KIAA0319: variants seen among roughly 807,000 people sequenced by gnomAD.
The protein encoded by KIAA0319 is KIAA0319.
In KIAA0319, 83 loss-of-function variants were observed where a neutral mutation model predicts 108.4. The observed-to-expected ratio is 0.77, with a 90% CI of 0.64 to 0.92. KIAA0319 has a LOEUF of 0.92. Among genes scored for constraint, KIAA0319 ranks in the 40% least tolerant of loss-of-function variants. The pLI, the probability that KIAA0319 is intolerant of heterozygous loss-of-function variation, is 0.00. For missense variants in KIAA0319, 1,195 were observed against 1,322.4 expected (o/e 0.90, Z 1.49); for synonymous variants, 484 against 510.4 (o/e 0.95, Z 0.70).
chr6:24,623,434 G>T (rs1316998395), intron 1 of KIAA0319, among the ~76,000 whole-genome samples: 6 of 152,040 alleles, frequency 3.9e-5, no homozygotes, highest in Non-Finnish European at 8.8e-5. Flanking sequence ...AATTAAAAGG[G>T]CCTACATAGT....
intron 1 of KIAA0319, among the ~76,000 whole-genome samples, chr6:24,622,884 C>A (rs1057284311): frequency 6.6e-6 from 1 of 151,924 alleles, no homozygotes; most frequent in Admixed American, 6.6e-5. Context: ...ACTAAAAATA[C>A]AAAAATTAGT....
chr6:24,580,663 T>A (rs118168507), intron 7 of KIAA0319, among the ~76,000 whole-genome samples: 1 of 152,158 alleles, frequency 6.6e-6, no homozygotes, highest in East Asian at 1.9e-4. Flanking sequence ...ATGGTGTAAA[T>A]GTCAGATAGA....
At position 24,596,507 on chromosome 6, in the gene KIAA0319, T is replaced by C; in HGVS notation, c.167A>G (p.Asp56Gly). 1 of 1,614,110 alleles carries C rather than the reference T, an allele frequency of 6.2e-7. No homozygotes were observed. The highest frequency in any genetic ancestry group is 8.5e-7 in the Non-Finnish European group (1 of 1,180,018). Residue 56 changes from aspartate (D) to glycine (G), a missense_variant, in exon 3 of 21, where the codon GAC becomes GGC. By Grantham distance (94) the Asp-to-Gly change is moderately conservative. Coordinates refer to ENST00000378214, the MANE Select transcript of KIAA0319 (RefSeq NM_014809.4). ...MRVSHTFPVVDCTAACCDLSS... is the reference protein window; with the variant it reads ...MRVSHTFPVVGCTAACCDLSS... The stretch of plus-strand genomic sequence containing the variant: ...CAGGTCACAGCAAGCGGCCGTGCAG[T>C]CTACGACAGGGAAGGTGTGAGACAC...
At chr6:24,584,446 A>G (rs1178753135) in intron 4 of KIAA0319, among the ~76,000 whole-genome samples, 1 of 151,142 alleles carries the variant, frequency 6.6e-6, no homozygotes, top group East Asian at 1.9e-4. Flanking sequence ...AAAAAAAAAA[A>G]AAAAAAAAAG....
intron 1 of KIAA0319, among the ~76,000 whole-genome samples, chr6:24,604,839 T>G (rs1028604422): frequency 6.6e-6 from 1 of 152,176 alleles, no homozygotes; most frequent in Non-Finnish European, 1.5e-5. Flanking sequence ...CTTTTGTTTT[T>G]GTTTTCGTTT....
In KIAA0319 at chr6:24,583,621, G is replaced by A. The variant is rs147335246; in HGVS notation, c.1076C>T (p.Ala359Val). 70 of 1,612,684 alleles carry A rather than the reference G, an allele frequency of 4.3e-5. 1 individual carries two copies. The highest frequency in any genetic ancestry group is 1.8e-4 in the South Asian group (16 of 91,016). Residue 359 changes from alanine (A) to valine (V), a missense_variant, in exon 5 of 21, where the codon GCG (alanine) becomes GTG (valine). Coordinates refer to ENST00000378214, the MANE Select transcript of KIAA0319 (RefSeq NM_014809.4). Reference sequence around the variant, plus strand: ...ACTCTCACCTACAGGTGGCGCTGGCGCAACAAAGGCCTTCAGTTCAACTTC... The same window carrying A: ...ACTCTCACCTACAGGTGGCGCTGGCACAACAAAGGCCTTCAGTTCAACTTC... ...DNEVELKAFV[A>V]PAPPVETTYN...
chr6:24,554,404 C>T, intron 19 of KIAA0319, 137 bp downstream of exon 19: 2 of 677,324 alleles, frequency 3.0e-6, no homozygotes, highest in Admixed American at 2.7e-5. Flanking sequence ...TATTTAGGCA[C>T]TTATGCTTTG....
chr6:24,610,292 C>CA (rs1257254207), intron 1 of KIAA0319, among the ~76,000 whole-genome samples: 1 of 151,704 alleles, frequency 6.6e-6, no homozygotes, highest in Admixed American at 6.6e-5. Flanking sequence ...GACAGTTCTC[C>CA]AAAAAAAGAT....
chr6:24,542,603 C>G (rs751882661), downstream of KIAA0319, among the ~76,000 whole-genome samples: 1 of 152,134 alleles, frequency 6.6e-6, no homozygotes, highest in Non-Finnish European at 1.5e-5. Context: ...GTCCCACCTA[C>G]TCAGGAAGCT....
intron 4 of KIAA0319, among the ~76,000 whole-genome samples, chr6:24,587,104 G>A (rs1767626364): frequency 6.6e-6 from 1 of 151,864 alleles, no homozygotes; most frequent in Non-Finnish European, 1.5e-5. Flanking sequence ...ATATGTCTTA[G>A]CGTCCTCTTC....
intron 1 of KIAA0319, among the ~76,000 whole-genome samples, chr6:24,607,297 A>G (rs1025718965): frequency 2.0e-5 from 3 of 152,258 alleles, no homozygotes; most frequent in Non-Finnish European, 4.4e-5. Context: ...TGGAGGTTGC[A>G]GTGAGCCGAG....
At chr6:24,565,975 T>A (rs1044508111) in intron 14 of KIAA0319, among the ~76,000 whole-genome samples, 1 of 152,146 alleles carries the variant, frequency 6.6e-6, no homozygotes, top group African/African-American at 2.4e-5. Context: ...CTCAAAGTGC[T>A]TCCAAGCTAT....
At position 24,547,019 on chromosome 6, in the gene KIAA0319, C is replaced by T. The variant is rs144470021; in HGVS notation, c.*146G>A. On this transcript the variant is annotated 3_prime_UTR_variant, in exon 21 of 21. Transcript: ENST00000378214. ...GTTTTTGTTTTGTGCCTTCAAAAACCGGTCTTTTAGTACGTGGGGATACAC... is the reference window on the plus strand; with the variant it reads ...GTTTTTGTTTTGTGCCTTCAAAAACTGGTCTTTTAGTACGTGGGGATACAC... The T allele has an allele frequency of 8.9e-5, 69 of 773,786 alleles. No homozygotes were observed. Among genetic ancestry groups the T allele is most frequent in the Middle Eastern group, 7.5e-4 (3 of 4,018 alleles). 47.9% of individuals were successfully genotyped at this position (773,786 alleles called of 1,614,324 possible). A position where few individuals can be genotyped will look rare whatever the true frequency, so the allele number is the denominator to read the frequency against.
chr6:24,583,303 G>T, intron 5 of KIAA0319: 2 of 980,366 alleles, frequency 2.0e-6, no homozygotes, highest in Non-Finnish European at 2.5e-6. Flanking sequence ...GGTTATTACA[G>T]TTCAAGAACT....
intron 1 of KIAA0319, among the ~76,000 whole-genome samples, chr6:24,630,679 ATG>A (rs200264866): frequency 0.39 from 46,127 of 119,272 alleles, 7,919 homozygotes; most frequent in Middle Eastern, 0.44. Context: ...TTGTGTGTAT[ATG>A]TGTATATATA....
At chr6:24,560,227 G>C (rs988100665) in intron 16 of KIAA0319, among the ~76,000 whole-genome samples, 2 of 152,136 alleles carry the variant, frequency 1.3e-5, no homozygotes, top group Non-Finnish European at 2.9e-5. Context: ...CCTAGGAGTG[G>C]AATTAATGGG....
At chr6:24,615,026 GAATA>G (rs1403820907) in intron 1 of KIAA0319, among the ~76,000 whole-genome samples, 4 of 152,138 alleles carry the variant, frequency 2.6e-5, no homozygotes, top group Admixed American at 1.3e-4. Flanking sequence ...ATGTATGAAT[GAATA>G]AATGATTGAT....
rs35713930 is a variant in KIAA0319, at chr6:24,600,032, C to CA, written c.55+1016dup. ...CCCTCAGCTAGTTCTGCCAACTGCC[C>CA]AAAAAAAAAAAAAGGAAGATGAGCA... On this transcript the variant is annotated intron_variant, in intron 2 of 20. Transcript: ENST00000378214. 5.6e-4 allele frequency among the ~76,000 whole-genome samples: 83 copies of CA among 147,964 alleles called. 1 individual carries two copies. Among genetic ancestry groups the CA allele is most frequent in the South Asian group, 3.8e-3 (18 of 4,690 alleles).
At chr6:24,558,498 A>G (rs1202473666) in intron 17 of KIAA0319, among the ~76,000 whole-genome samples, 1 of 152,196 alleles carries the variant, frequency 6.6e-6, no homozygotes, top group Non-Finnish European at 1.5e-5. Context: ...CCACTTCAAC[A>G]TAACAAGAGA....
Sources: allele counts gnomAD v4.1 joint callset (sites outside exome capture counted in the v4.1 genomes callset), GRCh38; gene constraint gnomAD v4.1.1; transcripts MANE v1.5; gene names NCBI Gene and HGNC (gene_info 2026-07-23, HGNC 2026-07-21).